The following MAP3K4 variants were observed in gnomAD, a reference collection of about 807,000 sequenced individuals.
The protein encoded by MAP3K4 is MAP three kinase 1.
MAP3K4 carries 67 observed loss-of-function variants against 185.6 expected under a neutral mutation model. That is an observed-to-expected ratio of 0.36 (90% CI 0.30 to 0.44). The LOEUF (loss-of-function observed/expected upper bound fraction) is 0.44, where lower values mean the gene tolerates loss of function less well. MAP3K4 is among the 20% of genes least tolerant of loss of function. The pLI is 1.00. For missense variants in MAP3K4, 1,551 were observed against 1,995.1 expected (o/e 0.78, Z 4.24); for synonymous variants, 702 against 710.4 (o/e 0.99, Z 0.19).
Position 161,098,863 on chromosome 6 carries a change from ATAAT to A in MAP3K4, c.3674+438_3674+441del, listed in dbSNP as rs1777704543. On this transcript the variant is annotated intron_variant, in intron 17 of 26. Coordinates refer to ENST00000392142, the MANE Select transcript of MAP3K4 (RefSeq NM_005922.4). The surrounding 1 kb of genome is among the most constrained non-coding windows in gnomAD (Gnocchi z 4.4). ...TTTCTAGCCAAATACTCTATTTTAAATAATTGTTGATTAGAAGTAGTTTATAGAA... is the reference window on the plus strand; with the variant it reads ...TTTCTAGCCAAATACTCTATTTTAAATGTTGATTAGAAGTAGTTTATAGAA... Among the ~76,000 whole-genome samples, 1 of 152,184 alleles carries A rather than the reference ATAAT, an allele frequency of 6.6e-6. No individual in the cohort carries two copies. Among genetic ancestry groups the A allele is most frequent in the African/African-American group, 2.4e-5 (1 of 41,444 alleles).
rs1331106985 is a variant in MAP3K4 at position 161,074,281 on chromosome 6, A to G, written c.2097+669A>G. 6.6e-6 allele frequency among the ~76,000 whole-genome samples: 1 copy of G among 152,200 alleles called. No individual in the cohort carries two copies. The highest frequency in any genetic ancestry group is 1.9e-4 in the East Asian group (1 of 5,200). ...AGTTTGATTGGGCAGGAGTAGACCT[A>G]TTTTTATTTTGTCATAAAAAGAGAC... On this transcript the variant is annotated intron_variant, in intron 5 of 26. Coordinates refer to ENST00000392142, the MANE Select transcript of MAP3K4 (RefSeq NM_005922.4). The surrounding 1 kb of genome is among the most constrained non-coding windows in gnomAD (Gnocchi z 5.0).
At chr6:161,005,437 G>A (rs1033964858) in intron 1 of MAP3K4, among the ~76,000 whole-genome samples, 1 of 151,948 alleles carries the variant, frequency 6.6e-6, no homozygotes, top group African/African-American at 2.4e-5. Context: ...ATTGTGCCCA[G>A]CTTTAGACTT....
chr6:161,077,294 CG>C lies in MAP3K4; in HGVS notation c.2098-3585del, dbSNP rs1408660834. On this transcript the variant is annotated intron_variant, in intron 5 of 26. Transcript: ENST00000392142. This position sits in a 1 kb window ranked among gnomAD's most constrained non-coding sequence, Gnocchi z 4.3. ...TTGAAAAAAATATCTACATGTACCC[CG>C]GAACTTAAAATAAAAATTAAAGAAA... is the stretch of plus-strand genomic sequence containing the variant. 4.6e-5 allele frequency among the ~76,000 whole-genome samples: 7 copies of C among 152,030 alleles called. No individual in the cohort carries two copies. In the East Asian group the frequency reaches 1.4e-3, roughly 29 times the overall value.
chr6:161,057,130 T>C (rs1784274710), intron 3 of MAP3K4, among the ~76,000 whole-genome samples: 1 of 152,334 alleles, frequency 6.6e-6, no homozygotes, highest in East Asian at 1.9e-4. Context: ...TTAGAAACGA[T>C]CATGTAGTTA....
chr6:161,098,477 C>A lies in MAP3K4; in HGVS notation c.3674+50C>A. ...GTACCCTCACCACCCCTTACATGCG[C>A]TTACACAGCAACCATAGTGTTAGGG... On this transcript the variant is annotated intron_variant, in intron 17 of 26. Coordinates refer to ENST00000392142, the MANE Select transcript of MAP3K4 (RefSeq NM_005922.4). The surrounding 1 kb of genome is among the most constrained non-coding windows in gnomAD (Gnocchi z 4.4). 6.4e-7 allele frequency: 1 copy of A among 1,570,412 alleles called. No individual in the cohort carries two copies. The highest frequency in any genetic ancestry group is 8.7e-7 in the Non-Finnish European group (1 of 1,154,582).
In MAP3K4 at chr6:161,108,354, T is replaced by C. The variant is rs1204193440; in HGVS notation, c.4119+385T>C. On this transcript the variant is annotated intron_variant, in intron 21 of 26. Transcript: ENST00000392142. The surrounding 1 kb of genome is among the most constrained non-coding windows in gnomAD (Gnocchi z 5.7). ...GGCATTGAAACCGCTGGAGGTAGGA[T>C]GGGGAAAGGGCCAGGGAACCTGAAG... is the stretch of plus-strand genomic sequence containing the variant. 1.3e-5 allele frequency among the ~76,000 whole-genome samples: 2 copies of C among 152,080 alleles called. No homozygotes were observed. The highest frequency in any genetic ancestry group is 2.9e-5 in the Non-Finnish European group (2 of 68,012).
At chr6:161,055,115 T>G (rs1784175060) in intron 3 of MAP3K4, among the ~76,000 whole-genome samples, 3 of 152,186 alleles carry the variant, frequency 2.0e-5, no homozygotes, top group Admixed American at 2.0e-4. Flanking sequence ...TGTATCATGG[T>G]CTCTCAATGA....
rs903276211 is a variant in MAP3K4, at chr6:161,008,502, G to C, written c.152+16419G>C. Among the ~76,000 whole-genome samples the C allele has an allele frequency of 3.9e-5, 6 of 152,212 alleles. No homozygotes were observed. The highest frequency in any genetic ancestry group is 3.9e-4 in the Admixed American group (6 of 15,278). ...AGCTGTATAAGCGTTGACATAATGTGGTAATAGATGAAACAGGAGCTGGCA... is the reference window on the plus strand; with the variant it reads ...AGCTGTATAAGCGTTGACATAATGTCGTAATAGATGAAACAGGAGCTGGCA... On this transcript the variant is annotated intron_variant, in intron 1 of 26. Coordinates refer to ENST00000392142, the MANE Select transcript of MAP3K4 (RefSeq NM_005922.4). This position sits in a 1 kb window ranked among gnomAD's most constrained non-coding sequence, Gnocchi z 4.1.
chr6:161,116,824 C>G lies in MAP3K4; in HGVS notation c.4807-26C>G. 1.9e-6 allele frequency: 3 copies of G among 1,613,374 alleles called. No individual in the cohort carries two copies. The highest frequency in any genetic ancestry group is 2.5e-6 in the Non-Finnish European group (3 of 1,179,370). On this transcript the variant is annotated intron_variant, in intron 26 of 26. Coordinates refer to ENST00000392142, the MANE Select transcript of MAP3K4 (RefSeq NM_005922.4). The surrounding 1 kb of genome is among the most constrained non-coding windows in gnomAD (Gnocchi z 6.2). ...AAGCACACACCTGGCTCTGCAAGAG[C>G]TCAGCTCTCTCCTGCTTCCTCACAG... is the stretch of plus-strand genomic sequence containing the variant.
chr6:161,074,493 T>A lies in MAP3K4; in HGVS notation c.2097+881T>A, dbSNP rs1378229992. On this transcript the variant is annotated intron_variant, in intron 5 of 26. Transcript: ENST00000392142. This position sits in a 1 kb window ranked among gnomAD's most constrained non-coding sequence, Gnocchi z 5.0. ...TTTTAGTCTGTGTTTATACCTTCTTTGAACTCTTTTTAGCAGTTACAGTTA... is the reference window on the plus strand; with the variant it reads ...TTTTAGTCTGTGTTTATACCTTCTTAGAACTCTTTTTAGCAGTTACAGTTA... 6.6e-6 allele frequency among the ~76,000 whole-genome samples: 1 copy of A among 152,238 alleles called. No individual in the cohort carries two copies.
chr6:161,026,410 C>G (rs2115134753), intron 1 of MAP3K4, among the ~76,000 whole-genome samples: 1 of 152,218 alleles, frequency 6.6e-6, no homozygotes, highest in African/African-American at 2.4e-5. Flanking sequence ...GCTGGGATTA[C>G]AGGCATGAGC....
intron 1 of MAP3K4, among the ~76,000 whole-genome samples, chr6:161,027,966 A>G (rs1782750183): frequency 6.6e-6 from 1 of 152,094 alleles, no homozygotes; most frequent in South Asian, 2.1e-4. Flanking sequence ...CTTCTCCTTC[A>G]TGCACTTCTC....
At chr6:161,042,908 GCACA>G (rs58595402) in intron 2 of MAP3K4, among the ~76,000 whole-genome samples, 11,214 of 149,322 alleles carry the variant, frequency 0.075, 425 homozygotes, top group South Asian at 0.11. Flanking sequence ...ATGAGAATTT[GCACA>G]CACACACACA....
At chr6:161,081,884 A>C (rs1048975756) in intron 6 of MAP3K4, among the ~76,000 whole-genome samples, 1 of 152,198 alleles carries the variant, frequency 6.6e-6, no homozygotes, top group East Asian at 1.9e-4. Flanking sequence ...AGTCTCATTC[A>C]TAAGAGCATG....
Position 161,041,857 on chromosome 6 carries a change from CAA to C in MAP3K4, c.344-6758_344-6757del, listed in dbSNP as rs371195169. Among the ~76,000 whole-genome samples the C allele has an allele frequency of 2.5e-3, 381 of 151,658 alleles. 1 individual carries two copies. Among genetic ancestry groups the C allele is most frequent in the African/African-American group, 9.1e-3 (375 of 41,290 alleles). ...AGACGGACAGAAGGTGGACAGACTCCAACCATGGACAGGCAGATGCTCTCAGG... is the reference window on the plus strand; with the variant it reads ...AGACGGACAGAAGGTGGACAGACTCCCCATGGACAGGCAGATGCTCTCAGG... On this transcript the variant is annotated intron_variant, in intron 2 of 26. Transcript: ENST00000392142.
In MAP3K4 at chr6:161,112,988, A is replaced by C. The variant is rs1285848968; in HGVS notation, c.4626+214A>C. ...ATATCTGCCACAGAGAACTCTTATG[A>C]GTGAATTTAAGAAGCATAAACCTCT... On this transcript the variant is annotated intron_variant, in intron 25 of 26. Transcript: ENST00000392142. This position sits in a 1 kb window ranked among gnomAD's most constrained non-coding sequence, Gnocchi z 5.1. 2.0e-5 allele frequency among the ~76,000 whole-genome samples: 3 copies of C among 152,258 alleles called. No individual in the cohort carries two copies. The highest frequency in any genetic ancestry group is 4.4e-5 in the Non-Finnish European group (3 of 68,050).
At chr6:161,045,032 CCTT>C (rs1040971815) in intron 2 of MAP3K4, among the ~76,000 whole-genome samples, 4 of 152,152 alleles carry the variant, frequency 2.6e-5, no homozygotes, top group African/African-American at 9.7e-5. Context: ...ATCACCCTCT[CCTT>C]CTGTCACAAG....
intron 1 of MAP3K4, among the ~76,000 whole-genome samples, chr6:161,021,776 T>G (rs1014222979): frequency 1.3e-5 from 2 of 152,242 alleles, no homozygotes; most frequent in African/African-American, 4.8e-5. Flanking sequence ...ACCTCTTGTC[T>G]GGTGGGGTCA....
chr6:161,106,793 G>A lies in MAP3K4; in HGVS notation c.4048+88G>A. The A allele has an allele frequency of 9.0e-7, 1 of 1,105,430 alleles. No individual in the cohort carries two copies. Among genetic ancestry groups the A allele is most frequent in the Non-Finnish European group, 1.2e-6 (1 of 802,350 alleles). The allele number at this position is 1,105,430 out of a possible 1,614,324, so 68.5% of individuals were successfully genotyped here. A position where few individuals can be genotyped will look rare whatever the true frequency, so the allele number is the denominator to read the frequency against. On this transcript the variant is annotated intron_variant, in intron 20 of 26. Transcript: ENST00000392142. This position sits in a 1 kb window ranked among gnomAD's most constrained non-coding sequence, Gnocchi z 4.9. ...TCTTTAGGTTGAATCCTATAGAGTT[G>A]GCCCTTTTTTCTTGTAGACATAGCA...
Sources: allele counts gnomAD v4.1 joint callset (sites outside exome capture counted in the v4.1 genomes callset), GRCh38; gene constraint gnomAD v4.1.1; non-coding constraint Gnocchi (gnomAD v3.1); transcripts MANE v1.5; gene names NCBI Gene and HGNC (gene_info 2026-07-23, HGNC 2026-07-21).